Variants in FAT3 observed in about 807,000 individuals in gnomAD.
FAT3 encodes the protein protocadherin Fat 3.
Under a neutral mutation model 310.2 loss-of-function variants are expected in FAT3, and 95 were observed. That is an observed-to-expected ratio of 0.31 (90% CI 0.26 to 0.36). The LOEUF (loss-of-function observed/expected upper bound fraction) is 0.36. FAT3 is among the 10% of genes least tolerant of loss of function. FAT3 has a pLI of 1.00. For synonymous variants in FAT3, 2,314 were observed against 2,192.9 expected, an observed-to-expected ratio of 1.06 and a Z score of -1.54; for missense variants, 5,408 against 5,715.6, an observed-to-expected ratio of 0.95 and a Z score of 1.74.
chr11:92,874,101 CTTAT>C (rs1378262622), intron 22 of FAT3, among the ~76,000 whole-genome samples: 2 of 151,564 alleles, frequency 1.3e-5, no homozygotes, highest in Non-Finnish European at 2.9e-5. Context: ...TAATTATTTC[CTTAT>C]TTGATATTCT....
rs186880787 is a variant in FAT3, at chr11:92,315,311, G to A, written c.-17-36785G>A. 5.6e-4 allele frequency among the ~76,000 whole-genome samples: 81 copies of A among 145,316 alleles called. No individual in the cohort carries two copies. The East Asian group carries it at 0.015, about 26-fold the overall frequency. On this transcript the variant is annotated intron_variant, in intron 1 of 27. Transcript: ENST00000525166. ...TATGGTTATTTGTTGAGAGACACTT[G>A]CAAATCAAAGCCTGAAACCATGAAA...
intron 2 of FAT3, among the ~76,000 whole-genome samples, chr11:92,401,655 T>G (rs1950015233): frequency 6.6e-6 from 1 of 151,842 alleles, no homozygotes; most frequent in Non-Finnish European, 1.5e-5. Context: ...AACACCATCC[T>G]CCCCTACACT....
At chr11:92,403,559 GT>G (rs1485049995) in intron 2 of FAT3, among the ~76,000 whole-genome samples, 1 of 152,168 alleles carries the variant, frequency 6.6e-6, no homozygotes, top group Non-Finnish European at 1.5e-5. Context: ...ATATAAAAGA[GT>G]TAGATTTGAG....
At chr11:92,542,563 C>T (rs78963864) in intron 3 of FAT3, among the ~76,000 whole-genome samples, 5,492 of 151,630 alleles carry the variant, frequency 0.036, 157 homozygotes, top group Non-Finnish European at 0.057. Flanking sequence ...AGAAGACATA[C>T]GAATGGCCAA....
intron 2 of FAT3, among the ~76,000 whole-genome samples, chr11:92,485,542 T>C (rs375836143): frequency 6.6e-6 from 1 of 152,122 alleles, no homozygotes; most frequent in Non-Finnish European, 1.5e-5. Flanking sequence ...CCAAATCCAA[T>C]AGATTACACA....
rs377051859 is a variant in FAT3 at position 92,355,274 on chromosome 11, A to G, written c.3162A>G (p.Glu1054=). The G allele has an allele frequency of 2.9e-4, 470 of 1,613,742 alleles. No homozygotes were observed. Among genetic ancestry groups the G allele is most frequent in the Non-Finnish European group, 3.9e-4 (458 of 1,179,880 alleles). Residue 1054 remains glutamate, a synonymous_variant, in exon 2 of 28, where the codon GAA becomes GAG. Transcript: ENST00000525166. ...TTGCTGTTGTTGGATCTGTAAAGGA[A>G]AACTCACGCATTGGAACAAGCGTGC... ...PDFAVVGSVK[E]NSRIGTSVLQ...
rs1348108782 is a variant in FAT3 at position 92,477,961 on chromosome 11, C to T, written c.3293-46673C>T. On this transcript the variant is annotated intron_variant, in intron 2 of 27. Coordinates refer to ENST00000525166, the MANE Select transcript of FAT3 (RefSeq NM_001367949.2). ...TCAGTAATACTGTCCCAGGTGATAG[C>T]CTTCAGTGTAGAAGCCAGAAGGCCT... Among the ~76,000 whole-genome samples the T allele has an allele frequency of 3.3e-5, 5 of 152,120 alleles. No individual in the cohort carries two copies. The East Asian group carries it at 9.6e-4, about 29-fold the overall frequency.
In FAT3 at chr11:92,224,962, T is replaced by A. The variant is rs1209136412; in HGVS notation, c.-230T>A. ...GCTGTTCTCTTCATCTCGGCTCCCC[T>A]CCTCCGCTTGCGAACCCCCGGCGGC... On this transcript the variant is annotated 5_prime_UTR_variant, in exon 1 of 28. Coordinates refer to ENST00000525166, the MANE Select transcript of FAT3 (RefSeq NM_001367949.2). Among the ~76,000 whole-genome samples the A allele has an allele frequency of 6.6e-6, 1 of 151,876 alleles. No homozygotes were observed. The highest frequency in any genetic ancestry group is 1.5e-5 in the Non-Finnish European group (1 of 67,962).
chr11:92,857,603 C>A (rs867416904), intron 20 of FAT3, among the ~76,000 whole-genome samples: 8 of 152,132 alleles, frequency 5.3e-5, no homozygotes, highest in Admixed American at 3.9e-4. Context: ...TGTTTTTTAT[C>A]ATGTCTCATG....
chr11:92,238,834 A>C (rs1341164648), intron 1 of FAT3, among the ~76,000 whole-genome samples: 5 of 152,152 alleles, frequency 3.3e-5, no homozygotes, highest in African/African-American at 1.2e-4. Flanking sequence ...TCCTGAAAAA[A>C]ACAGAGTACT....
chr11:92,424,720 A>G lies in FAT3; in HGVS notation c.3292+69316A>G, dbSNP rs147621748. Reference sequence around the variant, plus strand: ...GTGAAACATTTATCACTTCTTTTTTATTGACATGATATTCAACCTGATGTT... The same window carrying G: ...GTGAAACATTTATCACTTCTTTTTTGTTGACATGATATTCAACCTGATGTT... On this transcript the variant is annotated intron_variant, in intron 2 of 27. Transcript: ENST00000525166. 2.8e-3 allele frequency among the ~76,000 whole-genome samples: 424 copies of G among 152,236 alleles called. 1 individual carries two copies. Among genetic ancestry groups the G allele is most frequent in the African/African-American group, 9.4e-3 (392 of 41,542 alleles).
At chr11:92,663,272 T>C (rs1170815279) in intron 3 of FAT3, among the ~76,000 whole-genome samples, 1 of 152,192 alleles carries the variant, frequency 6.6e-6, no homozygotes, top group Non-Finnish European at 1.5e-5. Flanking sequence ...TTTTTCTGTC[T>C]TGAGCATTCA....
chr11:92,674,622 A>C (rs185498057), intron 3 of FAT3, among the ~76,000 whole-genome samples: 11 of 152,144 alleles, frequency 7.2e-5, no homozygotes, highest in African/African-American at 2.2e-4. Flanking sequence ...TCCAGGGCTC[A>C]AGTGATTCTC....
chr11:92,358,590 A>G (rs531654098), intron 2 of FAT3, among the ~76,000 whole-genome samples: 4 of 152,228 alleles, frequency 2.6e-5, no homozygotes, highest in Non-Finnish European at 5.9e-5. Flanking sequence ...TGTCCATACA[A>G]TCTTAACCAT....
In FAT3 at chr11:92,801,026, T is replaced by C; in HGVS notation, c.8013T>C (p.Asn2671=). 6.2e-7 allele frequency: 1 copy of C among 1,613,708 alleles called. No individual in the cohort carries two copies. Among genetic ancestry groups the C allele is most frequent in the Non-Finnish European group, 8.5e-7 (1 of 1,179,792 alleles). ...AGGGTAATTTTAACCAGCTGAAAAA[T>C]ACAGTGCTTTCGTTCTTTGTCAAAG... ...VTKGNFNQLK[N]TVLSFFVKAV... The change falls in exon 10 of 28, where the codon AAT becomes AAC. Residue 2671 remains asparagine (N), a synonymous_variant. Transcript: ENST00000525166.
chr11:92,472,860 T>G (rs1689472326), intron 2 of FAT3, among the ~76,000 whole-genome samples: 1 of 152,194 alleles, frequency 6.6e-6, no homozygotes, highest in Admixed American at 6.5e-5. Context: ...AAGAGGCCTT[T>G]TATGATCTAA....
chr11:92,345,687 C>T (rs2134601631), intron 1 of FAT3, among the ~76,000 whole-genome samples: 1 of 152,256 alleles, frequency 6.6e-6, no homozygotes, highest in East Asian at 1.9e-4. Flanking sequence ...TTATCTAAAC[C>T]TTCTGAGTAA....
intron 3 of FAT3, among the ~76,000 whole-genome samples, chr11:92,542,060 C>T (rs756465828): frequency 9.2e-5 from 14 of 151,852 alleles, no homozygotes; most frequent in South Asian, 2.1e-4. Context: ...AAAATTTCAA[C>T]GAAAATGCCA....
chr11:92,696,833 A>G (rs1411100746), intron 3 of FAT3, among the ~76,000 whole-genome samples: 1 of 152,114 alleles, frequency 6.6e-6, no homozygotes, highest in Non-Finnish European at 1.5e-5. Flanking sequence ...TCAAACACAT[A>G]AAACAAAATG....
Sources: gnomAD v4.1 joint callset for allele counts (sites outside exome capture counted in the v4.1 genomes callset) on GRCh38, gnomAD v4.1.1 for gene constraint, MANE v1.5 for transcripts, NCBI Gene and HGNC (gene_info 2026-07-23, HGNC 2026-07-21) for gene names.